The following CASQ2 variants were observed in gnomAD, a reference collection of about 807,000 sequenced individuals.
CASQ2 encodes the protein calsequestrin 2, also known as calsequestrin-2.
A neutral mutation model predicts 46.5 loss-of-function variants in CASQ2; 49 were observed. That is an observed-to-expected ratio of 1.05 (90% CI 0.84 to 1.34). The LOEUF (loss-of-function observed/expected upper bound fraction) is 1.34. Ranked by LOEUF, CASQ2 falls within the 40% of genes most tolerant of loss-of-function variation. The probability of loss-of-function intolerance (pLI) is 0.00; values close to 1 mark genes in which losing one functional copy is unlikely to be tolerated. For missense variants in CASQ2, 486 were observed against 481.3 expected, an observed-to-expected ratio of 1.01 and a Z score of -0.09; for synonymous variants, 174 against 168.5, an observed-to-expected ratio of 1.03 and a Z score of -0.25.
At chr1:115,708,998 C>G (rs1654447821) in intron 8 of CASQ2, among the ~76,000 whole-genome samples, 1 of 152,212 alleles carries the variant, frequency 6.6e-6, no homozygotes, top group East Asian at 1.9e-4. Flanking sequence ...GGTTTAATTC[C>G]TTTGCTTTTA....
intron 8 of CASQ2, among the ~76,000 whole-genome samples, chr1:115,708,554 C>T (rs1291419786): frequency 3.3e-5 from 5 of 152,308 alleles, no homozygotes; most frequent in African/African-American, 7.2e-5. Flanking sequence ...TGTTTCTCTC[C>T]TCATCTTTAA....
chr1:115,740,557 A>C (rs1358961313), intron 3 of CASQ2, among the ~76,000 whole-genome samples, 171 bp downstream of exon 3: 1 of 152,200 alleles, frequency 6.6e-6, no homozygotes, highest in African/African-American at 2.4e-5. Context: ...TCACTTTCCC[A>C]GTAGAGTAGA....
chr1:115,751,138 TG>T (rs1648565465), intron 1 of CASQ2, among the ~76,000 whole-genome samples: 1 of 152,262 alleles, frequency 6.6e-6, no homozygotes. Flanking sequence ...GTAAAGTGCT[TG>T]GCACAGTTCT....
chr1:115,723,274 C>CTATCTATCATCT (rs57499430), intron 7 of CASQ2, among the ~76,000 whole-genome samples: 12 of 150,974 alleles, frequency 7.9e-5, no homozygotes, highest in East Asian at 5.9e-4. Context: ...ATCTATCTAT[C>CTATCTATCATCT]ATCTATCTAT....
intron 5 of CASQ2, among the ~76,000 whole-genome samples, chr1:115,729,302 C>G (rs928482129): frequency 6.6e-6 from 1 of 152,114 alleles, no homozygotes; most frequent in Non-Finnish European, 1.5e-5. Context: ...CACCTCCCCC[C>G]TCGGCCTCCC....
rs1193520667 is a variant in CASQ2 at position 115,701,354 on chromosome 1, C to T, written c.1087G>A (p.Glu363Lys). ...TTTATCTTTCCAGAAAGCACATCCT[C>T]AATCCAGTCCTCCAGCTCCTCAGCA... ...PTAEELEDWI[E>K]DVLSGKINTE... The change falls in exon 11 of 11, where the codon GAG becomes AAG. Residue 363 changes from glutamate to lysine, a missense_variant. Transcript: ENST00000261448. The T allele has an allele frequency of 3.2e-5, 51 of 1,613,634 alleles. 1 individual carries two copies. The Admixed American group carries it at 8.3e-4, about 26-fold the overall frequency.
chr1:115,728,461 A>G, intron 5 of CASQ2, among the ~76,000 whole-genome samples: 1 of 152,040 alleles, frequency 6.6e-6, no homozygotes, highest in East Asian at 1.9e-4. Flanking sequence ...CCCTCTTCTC[A>G]GGGGTAGGGG....
intron 1 of CASQ2, among the ~76,000 whole-genome samples, chr1:115,746,711 T>A (rs1648402618): frequency 6.6e-6 from 1 of 152,224 alleles, no homozygotes; most frequent in South Asian, 2.1e-4. Flanking sequence ...AGAGTTTTTT[T>A]AAATACCAGT....
intron 1 of CASQ2, among the ~76,000 whole-genome samples, chr1:115,757,620 C>T (rs2101116720): frequency 6.6e-6 from 1 of 152,228 alleles, no homozygotes; most frequent in Middle Eastern, 3.4e-3. Context: ...GGATATTTGC[C>T]AGTGCTAAAT....
At chr1:115,764,488 A>T (rs553069333) in intron 1 of CASQ2, among the ~76,000 whole-genome samples, 1 of 152,336 alleles carries the variant, frequency 6.6e-6, no homozygotes, top group South Asian at 2.1e-4. Context: ...TCTTTTCCAC[A>T]TACTCTGAAA....
At chr1:115,705,322 C>T in intron 8 of CASQ2, 30 bp from the exon 9 acceptor site, 1 of 1,389,668 alleles carries the variant, frequency 7.2e-7, no homozygotes, top group Non-Finnish European at 1.0e-6. Flanking sequence ...AGTTGAGTAA[C>T]CCCTGCACAT....
chr1:115,728,364 T>C (rs866480053), intron 5 of CASQ2, among the ~76,000 whole-genome samples: 9 of 152,292 alleles, frequency 5.9e-5, no homozygotes, highest in Middle Eastern at 3.4e-3. Flanking sequence ...AAACAGGCCA[T>C]GTTGACAGCT....
Position 115,727,138 on chromosome 1 carries a change from A to T in CASQ2, c.607-16T>A. The T allele has an allele frequency of 2.5e-6, 4 of 1,599,582 alleles. No homozygotes were observed. The highest frequency in any genetic ancestry group is 3.4e-6 in the Non-Finnish European group (4 of 1,167,298). On this transcript the variant is annotated splice_polypyrimidine_tract_variant and intron_variant, in intron 5 of 10. Transcript: ENST00000261448. ...TCTTTGCAACCTGTAACCATTAGAA[A>T]TAAGACAAAGTTTATTTGAATACTA... is the stretch of plus-strand genomic sequence containing the variant.
intron 1 of CASQ2, among the ~76,000 whole-genome samples, chr1:115,755,836 C>T (rs1648742056): frequency 6.6e-6 from 1 of 152,284 alleles, no homozygotes; most frequent in African/African-American, 2.4e-5. Context: ...AGCACTCAGC[C>T]TTGAGGAGCT....
rs574426908 is a variant in CASQ2, at chr1:115,733,154, T to C, written c.533-180A>G. On this transcript the variant is annotated intron_variant, in intron 4 of 10. Coordinates refer to ENST00000261448, the MANE Select transcript of CASQ2 (RefSeq NM_001232.4). ...TAAGCCCATAGTTCCCCCCAAGGAGTTGGAATTGACTGGCATTCAAACGCC... is the reference window on the plus strand; with the variant it reads ...TAAGCCCATAGTTCCCCCCAAGGAGCTGGAATTGACTGGCATTCAAACGCC... Among the ~76,000 whole-genome samples, 134 of 152,182 alleles carry C rather than the reference T, an allele frequency of 8.8e-4. 1 individual carries two copies. The highest frequency in any genetic ancestry group is 3.2e-3 in the African/African-American group (131 of 41,514).
chr1:115,734,443 C>T (rs1360959542), intron 4 of CASQ2, among the ~76,000 whole-genome samples: 1 of 152,182 alleles, frequency 6.6e-6, no homozygotes, highest in Non-Finnish European at 1.5e-5. Flanking sequence ...AGCTGGTCTA[C>T]ATCACTTTAA....
chr1:115,754,531 C>A (rs948987930), intron 1 of CASQ2, among the ~76,000 whole-genome samples: 1 of 152,172 alleles, frequency 6.6e-6, no homozygotes, highest in African/African-American at 2.4e-5. Flanking sequence ...CTCTACAAAA[C>A]CCTCATGAGG....
intron 9 of CASQ2, among the ~76,000 whole-genome samples, chr1:115,704,407 C>T (rs892366551): frequency 3.9e-5 from 6 of 152,210 alleles, no homozygotes; most frequent in Admixed American, 6.5e-5. Context: ...ATCATTCTCT[C>T]CACCTTGTGA....
intron 1 of CASQ2, among the ~76,000 whole-genome samples, chr1:115,767,117 G>A (rs985937694): frequency 2.0e-4 from 31 of 152,130 alleles, no homozygotes; most frequent in African/African-American, 7.0e-4. Context: ...GGCAGTTTGA[G>A]ATGGAGATAT....
Sources: allele counts gnomAD v4.1 joint callset (sites outside exome capture counted in the v4.1 genomes callset), GRCh38; gene constraint gnomAD v4.1.1; transcripts MANE v1.5; gene names NCBI Gene and HGNC (gene_info 2026-07-23, HGNC 2026-07-21).